The following UNC5D variants were observed in gnomAD, a reference collection of about 807,000 sequenced individuals.
The protein encoded by UNC5D is unc-5 netrin receptor D, also known as netrin receptor UNC5D.
A neutral mutation model predicts 105.4 loss-of-function variants in UNC5D; 39 were observed. The observed-to-expected ratio is 0.37, with a 90% CI of 0.29 to 0.48. UNC5D has a LOEUF of 0.48. UNC5D is among the 20% of genes least tolerant of loss of function. UNC5D has a pLI of 0.98. For synonymous variants in UNC5D, 452 were observed against 450.4 expected, an observed-to-expected ratio of 1.00 and a Z score of -0.04; for missense variants, 991 against 1,202.4, an observed-to-expected ratio of 0.82 and a Z score of 2.60.
At chr8:35,728,394 A>G (rs1829009923) in intron 10 of UNC5D, among the ~76,000 whole-genome samples, 1 of 152,162 alleles carries the variant, frequency 6.6e-6, no homozygotes, top group African/African-American at 2.4e-5. Context: ...ATGATGAACC[A>G]GAGATTTACC....
At chr8:35,626,704 T>C (rs1316324682) in intron 4 of UNC5D, among the ~76,000 whole-genome samples, 2 of 152,234 alleles carry the variant, frequency 1.3e-5, no homozygotes, top group African/African-American at 4.8e-5. Context: ...CATCCAGGCA[T>C]CCGCGTGCTC....
At chr8:35,600,856 A>G (rs986049292) in intron 4 of UNC5D, among the ~76,000 whole-genome samples, 11 of 152,228 alleles carry the variant, frequency 7.2e-5, no homozygotes, top group Admixed American at 1.3e-4. Context: ...TTGGTGTTTT[A>G]GACATGAAGA....
intron 9 of UNC5D, among the ~76,000 whole-genome samples, chr8:35,725,903 C>T (rs538713603): frequency 3.9e-5 from 6 of 152,182 alleles, no homozygotes; most frequent in East Asian, 1.9e-4. Flanking sequence ...AAAGATAGCA[C>T]GGAAAGATCT....
At chr8:35,655,283 C>T (rs1004435972) in intron 4 of UNC5D, among the ~76,000 whole-genome samples, 6 of 152,032 alleles carry the variant, frequency 3.9e-5, no homozygotes, top group African/African-American at 9.7e-5. Context: ...AAAATATTGC[C>T]GTCTTCTCTT....
At chr8:35,458,036 A>T (rs556276293) in intron 1 of UNC5D, among the ~76,000 whole-genome samples, 1 of 152,256 alleles carries the variant, frequency 6.6e-6, no homozygotes, top group South Asian at 2.1e-4. Context: ...TTATTAGTTG[A>T]TCAGCTCTGT....
chr8:35,762,802 A>C (rs1801598674), intron 14 of UNC5D, among the ~76,000 whole-genome samples: 3 of 152,178 alleles, frequency 2.0e-5, no homozygotes. Context: ...AACAAAACAC[A>C]AAGTCAAGTT....
intron 4 of UNC5D, among the ~76,000 whole-genome samples, chr8:35,609,811 C>T (rs1208741392): frequency 6.6e-6 from 1 of 152,176 alleles, no homozygotes; most frequent in African/African-American, 2.4e-5. Flanking sequence ...CTCATGGGGT[C>T]ACCACTGGAA....
intron 1 of UNC5D, among the ~76,000 whole-genome samples, chr8:35,470,592 C>T (rs972301448): frequency 4.6e-5 from 2 of 43,624 alleles, no homozygotes; most frequent in South Asian, 8.8e-4. Context: ...CCTATCTCTA[C>T]AAAAAATGCA....
intron 1 of UNC5D, among the ~76,000 whole-genome samples, chr8:35,472,315 A>G (rs1809791275): frequency 6.6e-6 from 1 of 152,138 alleles, no homozygotes; most frequent in African/African-American, 2.4e-5. Flanking sequence ...ATAGGCCACA[A>G]TAATGGTGTG....
chr8:35,546,716 A>T (rs907936001), intron 1 of UNC5D, among the ~76,000 whole-genome samples: 2 of 152,208 alleles, frequency 1.3e-5, no homozygotes, highest in Admixed American at 1.3e-4. Context: ...TTTGTTGAAG[A>T]TAGAAATTGG....
At chr8:35,249,416 G>C (rs190263551) in intron 1 of UNC5D, among the ~76,000 whole-genome samples, 1 of 150,412 alleles carries the variant, frequency 6.6e-6, no homozygotes, top group Non-Finnish European at 1.5e-5. Flanking sequence ...AAATTAACCA[G>C]GTGTGGTGGC....
intron 1 of UNC5D, among the ~76,000 whole-genome samples, chr8:35,444,499 T>C (rs1807644808): frequency 1.3e-5 from 2 of 152,206 alleles, no homozygotes; most frequent in Middle Eastern, 6.8e-3. Flanking sequence ...TAAGTGTGCA[T>C]GCATATGCAT....
At chr8:35,338,912 A>G (rs1195975369) in intron 1 of UNC5D, among the ~76,000 whole-genome samples, 1 of 152,020 alleles carries the variant, frequency 6.6e-6, no homozygotes, top group Non-Finnish European at 1.5e-5. Context: ...GGTTCCCTTG[A>G]TGTAAGCCTG....
chr8:35,487,060 A>G (rs1017471453), intron 1 of UNC5D, among the ~76,000 whole-genome samples: 3 of 152,156 alleles, frequency 2.0e-5, no homozygotes, highest in Admixed American at 2.0e-4. Context: ...ATTTTTACTG[A>G]GCTCAAAGCC....
chr8:35,615,917 CA>C (rs1820999888), intron 4 of UNC5D, among the ~76,000 whole-genome samples: 1 of 152,184 alleles, frequency 6.6e-6, no homozygotes, highest in African/African-American at 2.4e-5. Context: ...TTACAATTTA[CA>C]AAGATTCTCA....
At chr8:35,401,646 T>G (rs995994446) in intron 1 of UNC5D, among the ~76,000 whole-genome samples, 1 of 152,170 alleles carries the variant, frequency 6.6e-6, no homozygotes, top group African/African-American at 2.4e-5. Flanking sequence ...TGTTTCAACC[T>G]TATTCCTCTC....
chr8:35,648,553 C>T (rs1019574371), intron 4 of UNC5D, among the ~76,000 whole-genome samples: 13 of 151,882 alleles, frequency 8.6e-5, no homozygotes, highest in African/African-American at 3.1e-4. Flanking sequence ...GTTGCAGGCA[C>T]CTGCAATCCC....
chr8:35,276,197 CATG>C (rs1377977570), intron 1 of UNC5D, among the ~76,000 whole-genome samples: 2 of 152,180 alleles, frequency 1.3e-5, no homozygotes, highest in Non-Finnish European at 2.9e-5. Flanking sequence ...CCCATAATAA[CATG>C]ATAACAGCAG....
intron 1 of UNC5D, among the ~76,000 whole-genome samples, chr8:35,350,357 C>T (rs901632522): frequency 6.6e-5 from 10 of 152,100 alleles, no homozygotes; most frequent in Non-Finnish European, 1.5e-4. Context: ...CAATCTGACT[C>T]GCCTACTGAA....
Sources: gnomAD v4.1 joint callset for allele counts (sites outside exome capture counted in the v4.1 genomes callset) on GRCh38, gnomAD v4.1.1 for gene constraint, MANE v1.5 for transcripts, NCBI Gene and HGNC (gene_info 2026-07-23, HGNC 2026-07-21) for gene names.